TENM2: variants seen among roughly 807,000 people sequenced by gnomAD.
TENM2 encodes the protein teneurin transmembrane protein 2.
TENM2 carries 52 observed loss-of-function variants against 245.2 expected under a neutral mutation model. The ratio of observed to expected loss-of-function variants is 0.21; its 90% CI spans 0.17 to 0.27. TENM2 has a LOEUF of 0.27. TENM2 is among the 10% of genes least tolerant of loss of function. The probability of loss-of-function intolerance (pLI) is 1.00; values close to 1 mark genes in which losing one functional copy is unlikely to be tolerated. For missense variants in TENM2, 3,046 were observed against 3,666.8 expected (o/e 0.83, Z 4.37); for synonymous variants, 1,363 against 1,438.9 (o/e 0.95, Z 1.19).
At chr5:167,498,825 G>C (rs1768987836) in intron 2 of TENM2, among the ~76,000 whole-genome samples, 1 of 152,026 alleles carries the variant, frequency 6.6e-6, no homozygotes. Context: ...TATTTCAGGA[G>C]AGGATGATGC....
intron 12 of TENM2, chr5:168,128,947 G>C (rs144928805): frequency 1.4e-3 from 193 of 140,584 alleles, no homozygotes; most frequent in African/African-American, 5.1e-3. Flanking sequence ...AAAGCTGCTT[G>C]TGTGGCCCGT....
At chr5:167,329,346 C>T (rs13155681) in intron 1 of TENM2, among the ~76,000 whole-genome samples, 80,892 of 148,074 alleles carry the variant, frequency 0.55, 22,449 homozygotes, top group Admixed American at 0.62. Flanking sequence ...GAGATTGAGA[C>T]GATCCTGGCT....
At chr5:167,187,545 G>T in the TENM2 span, among the ~76,000 whole-genome samples, 5 of 152,152 alleles carry the variant, frequency 3.3e-5, no homozygotes, top group Admixed American at 3.3e-4. Context: ...GATGGCATTT[G>T]TTTTTGTCTA....
chr5:167,707,683 A>C (rs1582807648), intron 2 of TENM2, among the ~76,000 whole-genome samples: 1 of 152,314 alleles, frequency 6.6e-6, no homozygotes, highest in East Asian at 1.9e-4. Flanking sequence ...CTTAGAACCC[A>C]CTGCCTGAAT....
chr5:168,262,850 C>G (rs1768339217), exon 29 of TENM2: 5 of 1,527,764 alleles, frequency 3.3e-6, no homozygotes, highest in Admixed American at 1.9e-5. Flanking sequence ...AATGGCTCAG[C>G]AGGAGTAACT....
At chr5:167,296,158 A>G (rs1253129049) in intron 1 of TENM2, 1 of 152,192 alleles carries the variant, frequency 6.6e-6, no homozygotes, top group African/African-American at 2.4e-5. Context: ...TAAATCTGTG[A>G]TTCTCCTTCC....
chr5:167,055,833 C>T, the TENM2 span, among the ~76,000 whole-genome samples: 67 of 152,106 alleles, frequency 4.4e-4, 1 homozygote, highest in Middle Eastern at 0.01. Flanking sequence ...AGATATTCCA[C>T]ATAGATGATC....
At chr5:167,998,598 G>A (rs1784221178) in intron 5 of TENM2, among the ~76,000 whole-genome samples, 1 of 152,170 alleles carries the variant, frequency 6.6e-6, no homozygotes, top group Non-Finnish European at 1.5e-5. Context: ...GGGTTGGTAA[G>A]GGAAGGCAGG....
At chr5:167,023,230 A>G in the TENM2 span, among the ~76,000 whole-genome samples, 1 of 152,262 alleles carries the variant, frequency 6.6e-6, no homozygotes, top group Non-Finnish European at 1.5e-5. Flanking sequence ...ACTAAACTTC[A>G]TTAGCAATTT....
chr5:167,464,378 C>T (rs888469148), intron 2 of TENM2, among the ~76,000 whole-genome samples: 5 of 152,044 alleles, frequency 3.3e-5, no homozygotes, highest in Admixed American at 6.5e-5. Flanking sequence ...AGTATATCTT[C>T]GACAAGTATA....
At chr5:167,866,299 G>T (rs1664520005) in intron 2 of TENM2, among the ~76,000 whole-genome samples, 1 of 152,136 alleles carries the variant, frequency 6.6e-6, no homozygotes, top group South Asian at 2.1e-4. Context: ...AGGAGTTCGA[G>T]ACCAGCCTGG....
intron 2 of TENM2, among the ~76,000 whole-genome samples, chr5:167,771,134 ACTCT>A (rs144373096): frequency 3.9e-4 from 58 of 148,986 alleles, no homozygotes; most frequent in Non-Finnish European, 5.2e-4. Flanking sequence ...TCAATCGGTC[ACTCT>A]CTCTCTCTCT....
the TENM2 span, among the ~76,000 whole-genome samples, chr5:167,052,354 G>A: frequency 6.6e-6 from 1 of 151,830 alleles, no homozygotes; most frequent in African/African-American, 2.4e-5. Flanking sequence ...CATCATATTG[G>A]AAGACAAATT....
the TENM2 span, among the ~76,000 whole-genome samples, chr5:167,237,595 T>A: frequency 6.6e-6 from 1 of 152,356 alleles, no homozygotes; most frequent in South Asian, 2.1e-4. Flanking sequence ...GTCCTACTTG[T>A]TGTCTGATAA....
chr5:167,431,941 A>G (rs1311380540), intron 2 of TENM2, among the ~76,000 whole-genome samples: 2 of 77,256 alleles, frequency 2.6e-5, no homozygotes, highest in Non-Finnish European at 5.3e-5. Context: ...ATATATATAC[A>G]TATATATGTA....
At chr5:167,094,051 G>T in the TENM2 span, among the ~76,000 whole-genome samples, 1 of 152,140 alleles carries the variant, frequency 6.6e-6, no homozygotes, top group African/African-American at 2.4e-5. Flanking sequence ...GGAAGATAAT[G>T]AATTTCAATT....
At chr5:167,310,599 G>A (rs971421841) in intron 1 of TENM2, among the ~76,000 whole-genome samples, 7 of 151,884 alleles carry the variant, frequency 4.6e-5, no homozygotes, top group African/African-American at 1.5e-4. Context: ...GAGGTTTTGT[G>A]TTTCAGGAAA....
intron 12 of TENM2, among the ~76,000 whole-genome samples, chr5:168,158,197 T>G (rs544632142): frequency 6.6e-6 from 1 of 152,212 alleles, no homozygotes; most frequent in African/African-American, 2.4e-5. Context: ...TGGGTTTTTT[T>G]AAATCCCAAA....
intron 2 of TENM2, among the ~76,000 whole-genome samples, chr5:167,787,210 TCTC>T (rs1764639180): frequency 1.4e-5 from 2 of 138,506 alleles, no homozygotes; most frequent in South Asian, 4.7e-4. Context: ...CAAGGCCTGA[TCTC>T]CATCAGAGCA....
Sources: allele counts gnomAD v4.1 joint callset (sites outside exome capture counted in the v4.1 genomes callset), GRCh38; gene constraint gnomAD v4.1.1; transcripts MANE v1.5; gene names NCBI Gene and HGNC (gene_info 2026-07-23, HGNC 2026-07-21).